Variants in LRRC37A2 observed in about 807,000 individuals in gnomAD.
LRRC37A2 encodes leucine rich repeat containing 37 member A2.
In LRRC37A2, 9 loss-of-function variants were observed where a neutral mutation model predicts 68.8. The observed-to-expected ratio is 0.13, with a 90% CI of 0.08 to 0.23. The LOEUF (loss-of-function observed/expected upper bound fraction) is 0.23, where lower values mean the gene tolerates loss of function less well. LRRC37A2 is among the 10% of genes least tolerant of loss of function. The pLI, the probability that LRRC37A2 is intolerant of heterozygous loss-of-function variation, is 1.00. For synonymous variants in LRRC37A2, 63 were observed against 367.6 expected (o/e 0.17, Z 9.48); for missense variants, 168 against 950.4 (o/e 0.18, Z 10.82).
chr17:46,887,743 G>A, the LRRC37A2 span, among the ~76,000 whole-genome samples: 25 of 151,688 alleles, frequency 1.6e-4, no homozygotes, highest in Non-Finnish European at 2.8e-4. Context: ...CAGCCTGGGC[G>A]ACATAGCGAG....
At chr17:46,935,851 C>A in the LRRC37A2 span, 1 of 986,208 alleles carries the variant, frequency 1.0e-6, no homozygotes, top group Non-Finnish European at 1.2e-6. Flanking sequence ...CTGCCCTTTT[C>A]CTGTATCAAC....
the LRRC37A2 span, among the ~76,000 whole-genome samples, chr17:47,023,496 T>C: frequency 4.6e-5 from 7 of 152,034 alleles, no homozygotes; most frequent in Non-Finnish European, 8.8e-5. Flanking sequence ...GCCTGGCCGA[T>C]AGGGCGAAAC....
chr17:46,987,142 C>T, the LRRC37A2 span, among the ~76,000 whole-genome samples: 8 of 152,232 alleles, frequency 5.3e-5, no homozygotes, highest in African/African-American at 1.4e-4. Context: ...ACTCAGGAGG[C>T]TGAGGAAGGA....
At chr17:46,939,047 T>G in the LRRC37A2 span, 1 of 1,237,914 alleles carries the variant, frequency 8.1e-7, no homozygotes, top group Non-Finnish European at 1.0e-6. Flanking sequence ...ATGGCTTTGG[T>G]GGCTTTGTTC....
At chr17:46,744,132 G>T in the LRRC37A2 span, among the ~76,000 whole-genome samples, 1 of 152,180 alleles carries the variant, frequency 6.6e-6, no homozygotes, top group East Asian at 1.9e-4. Context: ...ATTTGCGAGT[G>T]TGTTACTTGG....
chr17:46,395,410 C>CT, the LRRC37A2 span, among the ~76,000 whole-genome samples: 2 of 148,484 alleles, frequency 1.3e-5, no homozygotes, highest in Non-Finnish European at 3.0e-5. Context: ...GGTGCAGTGG[C>CT]TCATGCCTAT....
chr17:47,036,478 AT>A, the LRRC37A2 span, among the ~76,000 whole-genome samples: 1 of 152,174 alleles, frequency 6.6e-6, no homozygotes, highest in Non-Finnish European at 1.5e-5. Flanking sequence ...TGGCTCTTAC[AT>A]TTAGGTATTT....
chr17:46,894,260 G>A, the LRRC37A2 span, among the ~76,000 whole-genome samples: 1 of 152,198 alleles, frequency 6.6e-6, no homozygotes, highest in East Asian at 1.9e-4. Context: ...CAATGGACTC[G>A]CAACCTCATG....
chr17:46,855,253 C>T, the LRRC37A2 span, among the ~76,000 whole-genome samples: 70 of 152,298 alleles, frequency 4.6e-4, no homozygotes, highest in Non-Finnish European at 2.9e-5. Flanking sequence ...GCCTCCCTTC[C>T]CTGCTTAATT....
At chr17:46,903,271 G>A in the LRRC37A2 span, among the ~76,000 whole-genome samples, 3 of 125,338 alleles carry the variant, frequency 2.4e-5, no homozygotes, top group African/African-American at 6.7e-5. Context: ...ACAAGAGTGT[G>A]ACTCTGTCTC....
chr17:46,860,126 G>C, the LRRC37A2 span, among the ~76,000 whole-genome samples: 3 of 152,190 alleles, frequency 2.0e-5, no homozygotes, highest in East Asian at 1.9e-4. Flanking sequence ...AGGCCAGCTT[G>C]TCTCTGGCTG....
the LRRC37A2 span, among the ~76,000 whole-genome samples, chr17:46,980,973 A>G: frequency 3.3e-5 from 5 of 152,210 alleles, no homozygotes; most frequent in Admixed American, 1.3e-4. Flanking sequence ...CATTGTTATC[A>G]TTATTTTAAA....
chr17:46,775,940 G>A, the LRRC37A2 span, among the ~76,000 whole-genome samples: 2 of 152,174 alleles, frequency 1.3e-5, no homozygotes, highest in African/African-American at 2.4e-5. Context: ...CGGTGGTAAT[G>A]GCTAATTACT....
At chr17:46,521,702 T>C (rs1386722733) in intron 4 of LRRC37A2, among the ~76,000 whole-genome samples, 3 of 72,792 alleles carry the variant, frequency 4.1e-5, no homozygotes, top group Non-Finnish European at 1.0e-4. Context: ...AATAGGACTT[T>C]AAAGGGCCAT....
chr17:46,679,087 C>T, the LRRC37A2 span, among the ~76,000 whole-genome samples: 1 of 151,958 alleles, frequency 6.6e-6, no homozygotes, highest in African/African-American at 2.4e-5. Context: ...TAGTGTTTAA[C>T]AACACATGCT....
chr17:46,785,687 C>G, the LRRC37A2 span, among the ~76,000 whole-genome samples: 1 of 152,210 alleles, frequency 6.6e-6, no homozygotes, highest in Non-Finnish European at 1.5e-5. Context: ...CCGGGAGGAC[C>G]ATGGTTCTGG....
chr17:47,024,390 T>C, the LRRC37A2 span, among the ~76,000 whole-genome samples: 1 of 151,964 alleles, frequency 6.6e-6, no homozygotes, highest in Non-Finnish European at 1.5e-5. Flanking sequence ...CCACCCAGAG[T>C]TGATTCTAAA....
chr17:46,796,596 T>C, the LRRC37A2 span, among the ~76,000 whole-genome samples: 1 of 152,212 alleles, frequency 6.6e-6, no homozygotes, highest in Non-Finnish European at 1.5e-5. Context: ...CAAGCGCAAC[T>C]TGGTTCCTGC....
chr17:46,819,401 TG>T, the LRRC37A2 span, among the ~76,000 whole-genome samples: 1 of 152,004 alleles, frequency 6.6e-6, no homozygotes, highest in African/African-American at 2.4e-5. The surrounding 1 kb of genome is among the most constrained non-coding windows in gnomAD (Gnocchi z 5.3). Context: ...CTGCTGCCTT[TG>T]CATTTCCTGC....
Sources: gnomAD v4.1 joint callset for allele counts (sites outside exome capture counted in the v4.1 genomes callset) on GRCh38, gnomAD v4.1.1 for gene constraint, Gnocchi (gnomAD v3.1) non-coding constraint, MANE v1.5 for transcripts, NCBI Gene and HGNC (gene_info 2026-07-23, HGNC 2026-07-21) for gene names.